The following TSPAN8 variants were observed in gnomAD, a reference collection of about 807,000 sequenced individuals.
TSPAN8 encodes the protein tetraspanin-8.
A neutral mutation model predicts 32.8 loss-of-function variants in TSPAN8; 21 were observed. That is an observed-to-expected ratio of 0.64 (90% CI 0.45 to 0.92). The LOEUF is 0.92. Among genes scored for constraint, TSPAN8 ranks in the 40% least tolerant of loss-of-function variants. The pLI is 0.00. For synonymous variants in TSPAN8, 95 were observed against 94.6 expected, an observed-to-expected ratio of 1.00 and a Z score of -0.03; for missense variants, 269 against 281.9, an observed-to-expected ratio of 0.95 and a Z score of 0.33.
intron 8 of TSPAN8, 86 bp from the exon 9 acceptor site, chr12:71,125,473 G>T (rs1871323326): frequency 1.7e-6 from 2 of 1,176,476 alleles, no homozygotes; most frequent in Non-Finnish European, 2.4e-6. Context: ...CATTATATAT[G>T]AAAAGATTTT....
rs538869033 is a variant in TSPAN8, at chr12:71,133,800, T to C, written c.445-976A>G. Among the ~76,000 whole-genome samples, 7 of 152,260 alleles carry C rather than the reference T, an allele frequency of 4.6e-5. No individual in the cohort carries two copies. The South Asian group carries it at 1.2e-3, about 27-fold the overall frequency. On this transcript the variant is annotated intron_variant, in intron 6 of 8. Coordinates refer to ENST00000247829, the MANE Select transcript of TSPAN8 (RefSeq NM_004616.3). ...AATGATAACCCCAAGAATCAGGGCA[T>C]GTGGCACATGATATTATTAGATGGG...
chr12:71,140,613 T>G (rs1871873218), intron 3 of TSPAN8, among the ~76,000 whole-genome samples: 1 of 152,168 alleles, frequency 6.6e-6, no homozygotes, highest in Non-Finnish European at 1.5e-5. Context: ...AAAAAAATCC[T>G]AGAGCCCTTT....
At chr12:71,132,964 T>G in intron 6 of TSPAN8, 140 bp from the exon 7 acceptor site, 3 of 1,000,450 alleles carry the variant, frequency 3.0e-6, no homozygotes, top group Non-Finnish European at 2.8e-6. Context: ...CACCTTTCTC[T>G]GTGTAGAAGT....
At chr12:71,154,920 A>G (rs1210685569) in intron 2 of TSPAN8, among the ~76,000 whole-genome samples, 5 of 152,236 alleles carry the variant, frequency 3.3e-5, no homozygotes, top group Admixed American at 2.0e-4. Flanking sequence ...GTCACCTTGA[A>G]GAAGCTCCTG....
Position 71,125,358 on chromosome 12 carries a change from C to A in TSPAN8, c.690G>T (p.Leu230=). 6.2e-7 allele frequency: 1 copy of A among 1,612,758 alleles called. No homozygotes were observed. The highest frequency in any genetic ancestry group is 1.1e-5 in the South Asian group (1 of 90,812). The change falls in exon 9 of 9, where the codon CTG becomes CTT. Residue 230 remains leucine, a synonymous_variant. Transcript: ENST00000247829. ...TTCATTTGTTCCCGATCTGGCAATACAGGACCATAGAAAACACCAAACCCA... is the reference window on the plus strand; with the variant it reads ...TTCATTTGTTCCCGATCTGGCAATAAAGGACCATAGAAAACACCAAACCCA... The part of the protein sequence containing the change: ...EILGLVFSMV[L]YCQIGNK
intron 2 of TSPAN8, among the ~76,000 whole-genome samples, chr12:71,148,939 T>A (rs1239536517): frequency 6.6e-6 from 1 of 152,210 alleles, no homozygotes; most frequent in South Asian, 2.1e-4. Context: ...ACATTGTGGA[T>A]ACCAATTTCT....
At chr12:71,127,722 A>G (rs1871390871) in intron 8 of TSPAN8, among the ~76,000 whole-genome samples, 1 of 152,150 alleles carries the variant, frequency 6.6e-6, no homozygotes, top group African/African-American at 2.4e-5. Flanking sequence ...TTTCCACTAG[A>G]TGTATTTAAA....
intron 2 of TSPAN8, among the ~76,000 whole-genome samples, chr12:71,156,262 AAAAAAACAAAC>A (rs1279089898): frequency 0.033 from 2,295 of 68,762 alleles, 115 homozygotes; most frequent in South Asian, 0.095. Context: ...AAAAAAAAAA[AAAAAAACAAAC>A]AAAAAAAAAA....
chr12:71,143,764 T>A (rs894614319), intron 3 of TSPAN8, among the ~76,000 whole-genome samples: 6 of 152,288 alleles, frequency 3.9e-5, no homozygotes, highest in African/African-American at 1.4e-4. Flanking sequence ...TAAATTATTG[T>A]CAAAACCTTC....
At chr12:71,152,432 T>C (rs1191090493) in intron 2 of TSPAN8, among the ~76,000 whole-genome samples, 2 of 152,262 alleles carry the variant, frequency 1.3e-5, no homozygotes, top group Non-Finnish European at 1.5e-5. Context: ...AAATACTGGT[T>C]GAAATGTCTT....
At chr12:71,134,962 G>A (rs963873537) in intron 6 of TSPAN8, among the ~76,000 whole-genome samples, 9 of 152,098 alleles carry the variant, frequency 5.9e-5, no homozygotes, top group Admixed American at 6.5e-5. Context: ...ATGATACAAC[G>A]CCTCTAGACA....
intron 2 of TSPAN8, chr12:71,157,020 G>A (rs1241544392): frequency 1.3e-5 from 2 of 152,116 alleles, no homozygotes. Context: ...CAATTAAAAG[G>A]TAGGGTGATG....
rs1297811939 is a variant in TSPAN8, at chr12:71,147,152, G to A, written c.61-2939C>T. On this transcript the variant is annotated intron_variant, in intron 2 of 8. Transcript: ENST00000247829. ...CAGTCTACAGTATCTTGTTATGAGA[G>A]CCCAAGCAGATGACTAAGAACAGGC... 2.0e-5 allele frequency among the ~76,000 whole-genome samples: 3 copies of A among 151,820 alleles called. No homozygotes were observed. In the East Asian group the frequency reaches 5.8e-4, roughly 29 times the overall value.
At chr12:71,135,189 G>A (rs1018870058) in intron 6 of TSPAN8, among the ~76,000 whole-genome samples, 4 of 150,214 alleles carry the variant, frequency 2.7e-5, no homozygotes, top group East Asian at 2.0e-4. Flanking sequence ...AGTGGAGATG[G>A]AGGAGGAGGA....
chr12:71,141,339 G>A (rs1253436503), intron 3 of TSPAN8, among the ~76,000 whole-genome samples: 5 of 152,130 alleles, frequency 3.3e-5, no homozygotes, highest in Non-Finnish European at 7.4e-5. Flanking sequence ...AATCAGTTTT[G>A]TTAATAAACA....
intron 2 of TSPAN8, among the ~76,000 whole-genome samples, chr12:71,145,921 T>A (rs1410801024): frequency 1.3e-5 from 2 of 152,198 alleles, no homozygotes; most frequent in Admixed American, 1.3e-4. Context: ...GAAAAAACTT[T>A]AAGAATTCTT....
intron 8 of TSPAN8, among the ~76,000 whole-genome samples, chr12:71,128,854 T>C (rs1871426733): frequency 6.6e-6 from 1 of 152,108 alleles, no homozygotes; most frequent in Non-Finnish European, 1.5e-5. Context: ...TGGATTTCTC[T>C]AGAATGTAAT....
At chr12:71,136,716 T>G (rs1871708147) in intron 6 of TSPAN8, among the ~76,000 whole-genome samples, 1 of 152,184 alleles carries the variant, frequency 6.6e-6, no homozygotes, top group Non-Finnish European at 1.5e-5. Context: ...AAGGAGGGGA[T>G]AGTATACTGA....
chr12:71,125,302 T>G lies in TSPAN8; in HGVS notation c.*32A>C. 1 of 1,596,166 alleles carries G rather than the reference T, an allele frequency of 6.3e-7. No homozygotes were observed. Among genetic ancestry groups the G allele is most frequent in the Non-Finnish European group, 8.6e-7 (1 of 1,169,342 alleles). On this transcript the variant is annotated 3_prime_UTR_variant, in exon 9 of 9. Transcript: ENST00000247829. ...AGCCAAAGCAACATTTTAAAGGGGT[T>G]TGACTGACGATAGGTTGATGCATCC...
Sources: allele counts gnomAD v4.1 joint callset (sites outside exome capture counted in the v4.1 genomes callset), GRCh38; gene constraint gnomAD v4.1.1; transcripts MANE v1.5; gene names NCBI Gene and HGNC (gene_info 2026-07-23, HGNC 2026-07-21).